Variants in RYR2 observed in about 807,000 individuals in gnomAD.
RYR2 encodes ryanodine receptor 2.
A neutral mutation model predicts 601.1 loss-of-function variants in RYR2; 227 were observed. That is an observed-to-expected ratio of 0.38 (90% CI 0.34 to 0.42). RYR2 has a LOEUF of 0.42. RYR2 is among the 10% of genes least tolerant of loss of function. The probability of loss-of-function intolerance (pLI) is 1.00; values close to 1 mark genes in which losing one functional copy is unlikely to be tolerated. For missense variants in RYR2, 4,646 were observed against 6,156.5 expected, an observed-to-expected ratio of 0.75 and a Z score of 8.21; for synonymous variants, 2,223 against 2,175.1, an observed-to-expected ratio of 1.02 and a Z score of -0.61.
intron 1 of RYR2, among the ~76,000 whole-genome samples, chr1:237,104,462 A>G (rs1469837128): frequency 2.6e-5 from 4 of 152,096 alleles, no homozygotes; most frequent in Non-Finnish European, 4.4e-5. Context: ...CTCCTTGTCT[A>G]GCACTGCTGC....
chr1:237,540,295 T>A (rs72767774), intron 25 of RYR2, among the ~76,000 whole-genome samples: 4,850 of 152,290 alleles, frequency 0.032, 127 homozygotes, highest in Admixed American at 0.093. Context: ...AGCTGTAGAT[T>A]TAAATGAAAA....
intron 1 of RYR2, among the ~76,000 whole-genome samples, chr1:237,233,299 T>A (rs1284882284): frequency 6.6e-6 from 1 of 152,234 alleles, no homozygotes; most frequent in Non-Finnish European, 1.5e-5. Flanking sequence ...CATTGCTAAA[T>A]TGGAATTTAG....
intron 1 of RYR2, among the ~76,000 whole-genome samples, chr1:237,132,828 T>G (rs991335740): frequency 1.7e-4 from 26 of 151,934 alleles, no homozygotes; most frequent in Admixed American, 6.6e-5. Context: ...AATGTCGAAG[T>G]GTTAAGGAGA....
At position 237,785,720 on chromosome 1, in the gene RYR2, T is replaced by TG. The variant is rs11370997; in HGVS notation, c.13261-249_13261-248insG. ...TGCTTAAGATAAAGAAGGATATTTC[T>TG]AAATGAGAAAAGAGAGTGAAAAGGA... On this transcript the variant is annotated intron_variant, in intron 90 of 104. Transcript: ENST00000366574. Among the ~76,000 whole-genome samples, 152,301 of 152,326 alleles carry TG rather than the reference T, an allele frequency of 1. 76,138 individuals carry two copies. Among genetic ancestry groups the TG allele is most frequent in the Middle Eastern group, 1 (294 of 294 alleles).
chr1:237,211,692 G>C (rs549351324), intron 1 of RYR2, among the ~76,000 whole-genome samples: 7 of 152,166 alleles, frequency 4.6e-5, no homozygotes, highest in Non-Finnish European at 1.0e-4. Context: ...AACCATGATT[G>C]CCCCAGTTTA....
chr1:237,270,485 C>A lies in RYR2; in HGVS notation c.49-12C>A, dbSNP rs1689569050. 2.6e-6 allele frequency: 4 copies of A among 1,566,702 alleles called. No homozygotes were observed. The East Asian group carries it at 7.0e-5, about 28-fold the overall frequency. On this transcript the variant is annotated splice_polypyrimidine_tract_variant and intron_variant, in intron 1 of 104. Transcript: ENST00000366574. Reference sequence around the variant, plus strand: ...CTCACTTATTTTTCCCTCTCTTTCTCCCCCTTTGCAGGATGATGAAGTGGT... The same window carrying A: ...CTCACTTATTTTTCCCTCTCTTTCTACCCCTTTGCAGGATGATGAAGTGGT...
intron 25 of RYR2, among the ~76,000 whole-genome samples, chr1:237,536,016 A>G (rs893630764): frequency 3.9e-5 from 6 of 152,198 alleles, no homozygotes; most frequent in Non-Finnish European, 5.9e-5. Context: ...ATGAGACAAT[A>G]TAAGTCACTA....
intron 94 of RYR2, among the ~76,000 whole-genome samples, chr1:237,793,434 G>C (rs925264048): frequency 6.6e-6 from 1 of 152,196 alleles, no homozygotes; most frequent in Non-Finnish European, 1.5e-5. Context: ...TGGTGATGCT[G>C]AGCATGAAAT....
chr1:237,389,031 C>T (rs1031300772), intron 10 of RYR2, among the ~76,000 whole-genome samples: 2 of 152,140 alleles, frequency 1.3e-5, no homozygotes, highest in Non-Finnish European at 2.9e-5. Context: ...AAAAGTCCCT[C>T]TGAGACCTGG....
intron 35 of RYR2, among the ~76,000 whole-genome samples, chr1:237,603,386 C>T (rs1163308259): frequency 6.6e-6 from 1 of 152,160 alleles, no homozygotes; most frequent in East Asian, 1.9e-4. Context: ...AGGTGAAATA[C>T]CACTACTCTG....
chr1:237,444,909 T>C (rs1708200394), intron 13 of RYR2, among the ~76,000 whole-genome samples: 1 of 152,230 alleles, frequency 6.6e-6, no homozygotes, highest in Non-Finnish European at 1.5e-5. Flanking sequence ...AGAACTACTG[T>C]ATGACTGGTG....
chr1:237,240,028 A>T (rs1443184490), intron 1 of RYR2, among the ~76,000 whole-genome samples: 3 of 152,176 alleles, frequency 2.0e-5, no homozygotes, highest in Non-Finnish European at 4.4e-5. Flanking sequence ...CGATCATTAA[A>T]ACTGCCATTA....
intron 17 of RYR2, among the ~76,000 whole-genome samples, chr1:237,474,807 G>A (rs185128869): frequency 1.3e-5 from 2 of 152,206 alleles, no homozygotes; most frequent in Admixed American, 1.3e-4. Flanking sequence ...CTCACAGGAA[G>A]GAGGGACTGA....
At chr1:237,581,582 A>G (rs980926229) in intron 29 of RYR2, among the ~76,000 whole-genome samples, 2 of 152,190 alleles carry the variant, frequency 1.3e-5, no homozygotes, top group Admixed American at 1.3e-4. Flanking sequence ...TTGTTCCTAC[A>G]GTATGCTTTG....
chr1:237,718,794 A>G (rs1422937425), intron 73 of RYR2, among the ~76,000 whole-genome samples: 1 of 152,174 alleles, frequency 6.6e-6, no homozygotes, highest in Non-Finnish European at 1.5e-5. Context: ...TTTAATTATT[A>G]TACTTTAAGT....
intron 5 of RYR2, among the ~76,000 whole-genome samples, chr1:237,364,593 G>A (rs1189403765): frequency 2.0e-5 from 3 of 151,798 alleles, no homozygotes; most frequent in Non-Finnish European, 4.4e-5. Context: ...TTCTTCACAT[G>A]CTTTTAAAAG....
chr1:237,382,452 G>A (rs901939072), intron 8 of RYR2, among the ~76,000 whole-genome samples: 2 of 151,918 alleles, frequency 1.3e-5, no homozygotes, highest in Non-Finnish European at 2.9e-5. Context: ...ATGTATACAT[G>A]TGCCATGTTG....
chr1:237,695,004 G>T (rs1687287953), intron 63 of RYR2, among the ~76,000 whole-genome samples: 1 of 152,162 alleles, frequency 6.6e-6, no homozygotes, highest in African/African-American at 2.4e-5. Context: ...TACAATGACT[G>T]CTATCACTGT....
intron 52 of RYR2, among the ~76,000 whole-genome samples, chr1:237,655,474 ATAAC>A (rs1392663778): frequency 4.6e-5 from 7 of 152,188 alleles, no homozygotes; most frequent in African/African-American, 1.7e-4. Context: ...GGAATTATCT[ATAAC>A]TAACTATAAG....
Sources: gnomAD v4.1 joint callset for allele counts (sites outside exome capture counted in the v4.1 genomes callset) on GRCh38, gnomAD v4.1.1 for gene constraint, MANE v1.5 for transcripts, NCBI Gene and HGNC (gene_info 2026-07-23, HGNC 2026-07-21) for gene names.